EML5: variants seen among roughly 807,000 people sequenced by gnomAD.
EML5 encodes EMAP like 5, also known as echinoderm microtubule-associated protein-like 5.
Under a neutral mutation model 250.0 loss-of-function variants are expected in EML5, and 120 were observed. The ratio of observed to expected loss-of-function variants is 0.48; its 90% confidence interval spans 0.41 to 0.56. EML5 has a LOEUF of 0.56. Ranked by LOEUF, EML5 falls within the 20% of genes least tolerant of loss-of-function variation. The probability of loss-of-function intolerance (pLI) is 0.00; values close to 1 mark genes in which losing one functional copy is unlikely to be tolerated. For synonymous variants in EML5, 771 were observed against 806.5 expected (o/e 0.96, Z 0.75); for missense variants, 2,006 against 2,437.6 (o/e 0.82, Z 3.73).
chr14:88,621,706 C>T (rs943667235), intron 37 of EML5: 8 of 284,346 alleles, frequency 2.8e-5, no homozygotes, highest in Admixed American at 2.6e-4. Flanking sequence ...AAGATAATAT[C>T]CGTATGATTT....
intron 10 of EML5, among the ~76,000 whole-genome samples, chr14:88,707,494 T>C (rs2093338240): frequency 6.6e-6 from 1 of 152,062 alleles, no homozygotes; most frequent in South Asian, 2.1e-4. Context: ...CAGATATTCT[T>C]ATTAAAATAC....
At chr14:88,768,932 C>G (rs1595839522) in intron 1 of EML5, among the ~76,000 whole-genome samples, 2 of 152,292 alleles carry the variant, frequency 1.3e-5, no homozygotes, top group South Asian at 4.1e-4. Flanking sequence ...CACAACTACT[C>G]AACTGGGTTA....
chr14:88,653,232 C>T (rs888393202), intron 27 of EML5, among the ~76,000 whole-genome samples: 1 of 152,200 alleles, frequency 6.6e-6, no homozygotes, highest in Non-Finnish European at 1.5e-5. Context: ...AAAATCATGT[C>T]ATCTGCAAAC....
intron 1 of EML5, among the ~76,000 whole-genome samples, chr14:88,772,480 G>A (rs529373980): frequency 3.9e-5 from 6 of 152,192 alleles, no homozygotes; most frequent in South Asian, 2.1e-4. Context: ...ACCTTCGGCC[G>A]GACGAGGTAG....
chr14:88,766,528 A>T (rs1047245714), intron 1 of EML5, among the ~76,000 whole-genome samples: 4 of 152,170 alleles, frequency 2.6e-5, no homozygotes, highest in African/African-American at 9.7e-5. Flanking sequence ...AATTTTGGTC[A>T]GACCGGTCGT....
At chr14:88,768,204 T>A (rs1165254616) in intron 1 of EML5, among the ~76,000 whole-genome samples, 1 of 152,188 alleles carries the variant, frequency 6.6e-6, no homozygotes, top group East Asian at 1.9e-4. Flanking sequence ...ATATTACTGA[T>A]GATGTTTACC....
Position 88,613,511 on chromosome 14 carries a change from TG to T in EML5, c.*2306del, listed in dbSNP as rs1185760603. On this transcript the variant is annotated 3_prime_UTR_variant, in exon 44 of 44. Coordinates refer to ENST00000554922, the MANE Select transcript of EML5 (RefSeq NM_183387.3). ...AAATAATAAAATACTAAAATCTGAT[TG>T]TTTTTTGCTATTTAATAGCCACTGC... The T allele has an allele frequency of 6.6e-6, 1 of 152,188 alleles. No homozygotes were observed. Among genetic ancestry groups the T allele is most frequent in the Non-Finnish European group, 1.5e-5 (1 of 68,034 alleles). 9.4% of individuals were successfully genotyped at this position (152,188 alleles called of 1,614,324 possible). A position where few individuals can be genotyped will look rare whatever the true frequency, so the allele number is the denominator to read the frequency against.
chr14:88,681,811 C>T, intron 21 of EML5, 79 bp downstream of exon 21: 2 of 1,422,022 alleles, frequency 1.4e-6, no homozygotes, highest in Non-Finnish European at 1.9e-6. Flanking sequence ...TAAAATGTGC[C>T]TAGTTTTGCT....
chr14:88,622,021 C>G (rs1032106046), intron 37 of EML5: 2 of 340,810 alleles, frequency 5.9e-6, no homozygotes, highest in Non-Finnish European at 1.2e-5. Flanking sequence ...CAGTCCTTCC[C>G]TATCCCCCTC....
At chr14:88,662,726 G>C (rs538438799) in intron 24 of EML5, among the ~76,000 whole-genome samples, 7 of 151,536 alleles carry the variant, frequency 4.6e-5, no homozygotes, top group Admixed American at 3.9e-4. Context: ...GTATTTTTTT[G>C]TAGAGATGGG....
chr14:88,722,420 A>G (rs975908596), intron 8 of EML5, among the ~76,000 whole-genome samples: 1 of 152,212 alleles, frequency 6.6e-6, no homozygotes, highest in African/African-American at 2.4e-5. Flanking sequence ...TATACCTTGG[A>G]ATACTATGCA....
At chr14:88,677,725 G>GC (rs1218434269) in intron 21 of EML5, among the ~76,000 whole-genome samples, 1 of 152,178 alleles carries the variant, frequency 6.6e-6, no homozygotes, top group African/African-American at 2.4e-5. Flanking sequence ...CTAGAGAAAT[G>GC]CAAATCAAAA....
chr14:88,629,909 T>C (rs371954725), intron 33 of EML5, among the ~76,000 whole-genome samples: 11 of 152,078 alleles, frequency 7.2e-5, no homozygotes, highest in Admixed American at 6.6e-5. Context: ...GTTTCCAGTA[T>C]AGAGATGCCA....
intron 35 of EML5, chr14:88,625,371 T>C (rs139869891): frequency 7.5e-4 from 327 of 433,624 alleles, no homozygotes; most frequent in Non-Finnish European, 1.1e-3. Context: ...ATTCTTCCCT[T>C]CCAATTCTAA....
At chr14:88,645,033 T>C (rs534799126) in intron 29 of EML5, among the ~76,000 whole-genome samples, 1 of 141,476 alleles carries the variant, frequency 7.1e-6, no homozygotes, top group South Asian at 2.3e-4. Flanking sequence ...TCTTCTTTCT[T>C]TCTTTCTTTT....
At chr14:88,751,008 G>A (rs1471034366) in intron 2 of EML5, among the ~76,000 whole-genome samples, 1 of 152,116 alleles carries the variant, frequency 6.6e-6, no homozygotes, top group Non-Finnish European at 1.5e-5. Flanking sequence ...AACACAATTG[G>A]CCAAAAACTT....
intron 10 of EML5, among the ~76,000 whole-genome samples, chr14:88,710,822 A>C (rs1387099853): frequency 6.6e-6 from 1 of 152,208 alleles, no homozygotes; most frequent in African/African-American, 2.4e-5. Flanking sequence ...CTTAGACAAG[A>C]CTAATTTTCT....
chr14:88,615,726 T>G lies in EML5; in HGVS notation c.*92A>C, dbSNP rs1213827076. The G allele has an allele frequency of 3.3e-6, 4 of 1,203,548 alleles. No homozygotes were observed. The highest frequency in any genetic ancestry group is 2.4e-6 in the Non-Finnish European group (2 of 843,110). 74.6% of individuals were successfully genotyped at this position (1,203,548 alleles called of 1,614,324 possible). A position where few individuals can be genotyped will look rare whatever the true frequency, so the allele number is the denominator to read the frequency against. On this transcript the variant is annotated 3_prime_UTR_variant, in exon 44 of 44. Coordinates refer to ENST00000554922, the MANE Select transcript of EML5 (RefSeq NM_183387.3). ...ATTTCTCCCTGTTACAGTCTTGGGTTAGCACCACTTGACCATGCAGGGTTG... is the reference window on the plus strand; with the variant it reads ...ATTTCTCCCTGTTACAGTCTTGGGTGAGCACCACTTGACCATGCAGGGTTG...
chr14:88,620,392 T>C lies in EML5; in HGVS notation c.5375+362A>G. On this transcript the variant is annotated intron_variant, in intron 39 of 43. Transcript: ENST00000554922. This position sits in a 1 kb window ranked among gnomAD's most constrained non-coding sequence, Gnocchi z 4.3. Reference sequence around the variant, plus strand: ...AAACTGAGGTTACTAAGAGAAGATATGTTTGAAATCACAACTTTAGTTTTC... The same window carrying C: ...AAACTGAGGTTACTAAGAGAAGATACGTTTGAAATCACAACTTTAGTTTTC... 5.8e-6 allele frequency: 1 copy of C among 173,408 alleles called. No individual in the cohort carries two copies. The highest frequency in any genetic ancestry group is 2.4e-5 in the African/African-American group (1 of 42,494). 10.7% of individuals were successfully genotyped at this position (173,408 alleles called of 1,614,324 possible). A position where few individuals can be genotyped will look rare whatever the true frequency, so the allele number is the denominator to read the frequency against.
Sources: allele counts gnomAD v4.1 joint callset (sites outside exome capture counted in the v4.1 genomes callset), GRCh38; gene constraint gnomAD v4.1.1; non-coding constraint Gnocchi (gnomAD v3.1); transcripts MANE v1.5; gene names NCBI Gene and HGNC (gene_info 2026-07-23, HGNC 2026-07-21).